SLC6A11: variants seen among roughly 807,000 people sequenced by gnomAD.
The protein encoded by SLC6A11 is sodium- and chloride-dependent GABA transporter 3.
Under a neutral mutation model 74.8 loss-of-function variants are expected in SLC6A11, and 25 were observed. That is an observed-to-expected ratio of 0.33 (90% CI 0.24 to 0.47). SLC6A11 has a LOEUF of 0.47. Among genes scored for constraint, SLC6A11 ranks in the 20% least tolerant of loss-of-function variants. The pLI is 1.00. For missense variants in SLC6A11, 574 were observed against 837.0 expected (o/e 0.69, Z 3.88); for synonymous variants, 330 against 330.2 (o/e 1.00, Z 0.01).
intron 5 of SLC6A11, among the ~76,000 whole-genome samples, chr3:10,871,541 TG>T (rs1384638308): frequency 2.0e-5 from 3 of 151,552 alleles, no homozygotes; most frequent in Non-Finnish European, 4.4e-5. Flanking sequence ...TGGCTTTGGT[TG>T]GGGGGGAGGG....
At chr3:10,906,369 A>G (rs1327175261) in intron 6 of SLC6A11, among the ~76,000 whole-genome samples, 3 of 152,226 alleles carry the variant, frequency 2.0e-5, no homozygotes, top group African/African-American at 7.2e-5. Flanking sequence ...ACCATGAACC[A>G]CAAAATGTGA....
chr3:10,873,747 GCTA>G (rs1694870018), intron 5 of SLC6A11, among the ~76,000 whole-genome samples: 2 of 98,102 alleles, frequency 2.0e-5, no homozygotes, highest in African/African-American at 9.2e-5. Context: ...CCCGTCCCAT[GCTA>G]TCCTGTCCTG....
At chr3:10,854,799 G>A (rs1029883450) in intron 5 of SLC6A11, among the ~76,000 whole-genome samples, 8 of 152,202 alleles carry the variant, frequency 5.3e-5, no homozygotes, top group Admixed American at 1.3e-4. Context: ...CTCCTCTAGT[G>A]TAGACTTAGT....
intron 5 of SLC6A11, among the ~76,000 whole-genome samples, chr3:10,854,278 A>G (rs985479231): frequency 6.6e-6 from 1 of 152,080 alleles, no homozygotes; most frequent in African/African-American, 2.4e-5. Flanking sequence ...AGTCCCAGCT[A>G]CTTGGGAGGC....
intron 6 of SLC6A11, among the ~76,000 whole-genome samples, chr3:10,898,086 A>G (rs906355558): frequency 1.3e-5 from 2 of 152,164 alleles, no homozygotes; most frequent in Non-Finnish European, 2.9e-5. Flanking sequence ...AGTGGCTGGG[A>G]CACAAGGCAC....
rs554018540 is a variant in SLC6A11 at position 10,926,907 on chromosome 3, T to G, written c.1233+791T>G. On this transcript the variant is annotated intron_variant, in intron 9 of 13. Coordinates refer to ENST00000254488, the MANE Select transcript of SLC6A11 (RefSeq NM_014229.3). The surrounding 1 kb of genome is among the most constrained non-coding windows in gnomAD (Gnocchi z 5.7). ...GTTTTCCCTAGGAGCCCTGGAGAAC[T>G]TCCCCCAGCCACAGCCTCCCCGCCT... Among the ~76,000 whole-genome samples, 1 of 152,270 alleles carries G rather than the reference T, an allele frequency of 6.6e-6. No homozygotes were observed. Among genetic ancestry groups the G allele is most frequent in the East Asian group, 1.9e-4 (1 of 5,170 alleles).
At chr3:10,853,384 G>T (rs934423612) in intron 5 of SLC6A11, among the ~76,000 whole-genome samples, 2 of 152,206 alleles carry the variant, frequency 1.3e-5, no homozygotes, top group Non-Finnish European at 2.9e-5. Context: ...TGTCACCTGC[G>T]GGCAATGGCC....
chr3:10,867,248 G>A (rs1694776859), intron 5 of SLC6A11, among the ~76,000 whole-genome samples: 1 of 152,188 alleles, frequency 6.6e-6, no homozygotes, highest in Non-Finnish European at 1.5e-5. Flanking sequence ...AGCCAGAGGA[G>A]AAGACAAGAT....
intron 9 of SLC6A11, among the ~76,000 whole-genome samples, chr3:10,928,385 G>T (rs567647657): frequency 2.9e-4 from 44 of 152,264 alleles, no homozygotes; most frequent in African/African-American, 1.1e-3. Flanking sequence ...AGAGGGATGG[G>T]CTGTCCTGAG....
At chr3:10,909,037 C>A (rs1695348780) in intron 6 of SLC6A11, among the ~76,000 whole-genome samples, 1 of 150,124 alleles carries the variant, frequency 6.7e-6, no homozygotes, top group Admixed American at 6.8e-5. Context: ...TGTGTGTTGG[C>A]CTTAATTCTC....
At chr3:10,818,908 G>A (rs1391343536) in intron 1 of SLC6A11, among the ~76,000 whole-genome samples, 1 of 152,216 alleles carries the variant, frequency 6.6e-6, no homozygotes, top group Non-Finnish European at 1.5e-5. Context: ...CTCCTTGCAA[G>A]TTGACACCAC....
chr3:10,879,161 A>T (rs1403013839), intron 6 of SLC6A11, among the ~76,000 whole-genome samples: 1 of 152,212 alleles, frequency 6.6e-6, no homozygotes, highest in East Asian at 1.9e-4. Context: ...AAAAAGTCTA[A>T]TAACCTCCAG....
At chr3:10,819,386 AGAT>A in intron 1 of SLC6A11, 76 bp from the exon 2 acceptor site, 1 of 1,373,156 alleles carries the variant, frequency 7.3e-7, no homozygotes, top group Non-Finnish European at 1.0e-6. Context: ...GGCCTGTAGT[AGAT>A]GTTTATTAAA....
chr3:10,935,503 G>A (rs564327455), intron 13 of SLC6A11: 1 of 301,740 alleles, frequency 3.3e-6, no homozygotes, highest in African/African-American at 2.2e-5. Context: ...GAAAAGCCCT[G>A]GGACCCAGAC....
intron 8 of SLC6A11, among the ~76,000 whole-genome samples, chr3:10,924,558 G>A (rs1205143067): frequency 1.3e-5 from 2 of 152,068 alleles, no homozygotes; most frequent in Admixed American, 6.5e-5. Context: ...GGAAAGGCAA[G>A]CCACAGACTG....
At chr3:10,856,141 C>T (rs894541449) in intron 5 of SLC6A11, among the ~76,000 whole-genome samples, 2 of 152,162 alleles carry the variant, frequency 1.3e-5, no homozygotes, top group African/African-American at 4.8e-5. Context: ...TCACCCCTGG[C>T]GGTGGCTAAG....
chr3:10,869,352 A>G (rs1009171633), intron 5 of SLC6A11, among the ~76,000 whole-genome samples: 3 of 152,192 alleles, frequency 2.0e-5, no homozygotes, highest in Admixed American at 6.5e-5. Context: ...TGGCTTCTGT[A>G]GCGAGACAGA....
intron 6 of SLC6A11, among the ~76,000 whole-genome samples, chr3:10,901,661 C>G (rs964783251): frequency 3.9e-5 from 6 of 152,236 alleles, no homozygotes; most frequent in African/African-American, 1.4e-4. Flanking sequence ...AAAGTCGTCT[C>G]CACCAAAGCC....
chr3:10,933,190 G>T lies in SLC6A11; in HGVS notation c.1411G>T (p.Ala471Ser). The T allele has an allele frequency of 6.2e-7, 1 of 1,614,010 alleles. No homozygotes were observed. Among genetic ancestry groups the T allele is most frequent in the Non-Finnish European group, 8.5e-7 (1 of 1,179,944 alleles). ...YIFQLFDSYA[A>S]SGMCLLFVAI... The stretch of plus-strand genomic sequence containing the variant: ...CTTCCAGCTCTTTGACTCCTATGCC[G>T]CCAGTGGGATGTGCCTTCTCTTCGT... The change falls in exon 11 of 14, where the codon GCC (alanine) becomes TCC (serine). Residue 471 changes from alanine (A) to serine (S), a missense_variant. By Grantham distance (99) the Ala-to-Ser change is moderately conservative. Around this residue, in one of 4 missense-constraint regions of SLC6A11, gnomAD observed 257 missense variants for 341.5 expected, o/e 0.75. Transcript: ENST00000254488.
Sources: gnomAD v4.1 joint callset for allele counts (sites outside exome capture counted in the v4.1 genomes callset) on GRCh38, gnomAD v4.1.1 for gene constraint, gnomAD v4.1.1 regional missense constraint, Gnocchi (gnomAD v3.1) non-coding constraint, MANE v1.5 for transcripts, NCBI Gene and HGNC (gene_info 2026-07-23, HGNC 2026-07-21) for gene names.